Variants in ARB2A observed in about 807,000 individuals in gnomAD.
ARB2A encodes ARB2 cotranscriptional regulator A.
the ARB2A span, among the ~76,000 whole-genome samples, chr5:93,985,640 G>A: frequency 3.9e-5 from 6 of 152,224 alleles, no homozygotes; most frequent in African/African-American, 1.2e-4. Context: ...GGCCGGGCTG[G>A]TCTCCTGCTC....
chr5:94,045,119 A>C, the ARB2A span, among the ~76,000 whole-genome samples: 1 of 230 alleles, frequency 4.3e-3, no homozygotes, highest in Non-Finnish European at 0.028. Flanking sequence ...CTCCATCTCA[A>C]AAAAAAAAAA....
chr5:93,855,537 C>T, the ARB2A span, among the ~76,000 whole-genome samples: 1 of 152,126 alleles, frequency 6.6e-6, no homozygotes, highest in African/African-American at 2.4e-5. Flanking sequence ...TTAGTTGATG[C>T]AGTTTCTTCC....
chr5:94,043,584 T>C, the ARB2A span, among the ~76,000 whole-genome samples: 4 of 152,218 alleles, frequency 2.6e-5, no homozygotes, highest in African/African-American at 7.2e-5. Context: ...ATTTGACTTG[T>C]AGAGCCAATA....
At chr5:94,076,436 T>C in the ARB2A span, among the ~76,000 whole-genome samples, 1 of 152,168 alleles carries the variant, frequency 6.6e-6, no homozygotes, top group South Asian at 2.1e-4. Flanking sequence ...GTATATAAGG[T>C]AGGCAATGTA....
At chr5:93,774,479 C>T in the ARB2A span, among the ~76,000 whole-genome samples, 1 of 152,204 alleles carries the variant, frequency 6.6e-6, no homozygotes, top group Non-Finnish European at 1.5e-5. Flanking sequence ...TACTCATGGG[C>T]AGAATGGTGA....
the ARB2A span, among the ~76,000 whole-genome samples, chr5:93,681,110 CTT>C: frequency 6.8e-4 from 103 of 151,742 alleles, 2 homozygotes; most frequent in South Asian, 3.1e-3. Context: ...GTAATGTTTC[CTT>C]TTTTTTCCAG....
the ARB2A span, among the ~76,000 whole-genome samples, chr5:93,829,267 G>A: frequency 6.6e-6 from 1 of 152,124 alleles, no homozygotes; most frequent in Non-Finnish European, 1.5e-5. Flanking sequence ...CTGTGTTCCA[G>A]TTGTAGGGAG....
At chr5:93,927,330 C>A in the ARB2A span, among the ~76,000 whole-genome samples, 107 of 152,274 alleles carry the variant, frequency 7.0e-4, no homozygotes, top group East Asian at 0.014. Flanking sequence ...CATTTAACCT[C>A]CCTCAGCTAG....
At chr5:93,701,736 T>C in the ARB2A span, among the ~76,000 whole-genome samples, 1 of 152,196 alleles carries the variant, frequency 6.6e-6, no homozygotes, top group East Asian at 1.9e-4. Context: ...TTAATGTTGG[T>C]AAGCAGCAAT....
the ARB2A span, among the ~76,000 whole-genome samples, chr5:93,708,482 T>C: frequency 6.6e-6 from 1 of 152,190 alleles, no homozygotes; most frequent in Non-Finnish European, 1.5e-5. Flanking sequence ...GGTTTCAGGA[T>C]GAAACTGTTC....
the ARB2A span, among the ~76,000 whole-genome samples, chr5:93,699,037 C>A: frequency 6.6e-6 from 1 of 152,156 alleles, no homozygotes; most frequent in Non-Finnish European, 1.5e-5. Context: ...AATATAGAAC[C>A]AAATAATAAA....
At chr5:93,626,197 G>A in the ARB2A span, among the ~76,000 whole-genome samples, 2 of 152,198 alleles carry the variant, frequency 1.3e-5, no homozygotes, top group South Asian at 2.1e-4. Context: ...GAAGACATGG[G>A]TTATTTACCT....
the ARB2A span, among the ~76,000 whole-genome samples, chr5:93,748,611 T>G: frequency 6.6e-6 from 1 of 152,082 alleles, no homozygotes; most frequent in Admixed American, 6.5e-5. Flanking sequence ...GTCCTTGCTT[T>G]GGATGATGAG....
At chr5:93,633,964 T>C in the ARB2A span, among the ~76,000 whole-genome samples, 2 of 152,004 alleles carry the variant, frequency 1.3e-5, no homozygotes, top group Admixed American at 6.5e-5. Context: ...GGTTTCGCCA[T>C]GCTGCCCAGG....
chr5:93,965,164 T>A, the ARB2A span, among the ~76,000 whole-genome samples: 1 of 152,078 alleles, frequency 6.6e-6, no homozygotes, highest in Non-Finnish European at 1.5e-5. Flanking sequence ...GGGTGATGTA[T>A]GTCTTTAAAA....
At chr5:94,021,494 A>T in the ARB2A span, among the ~76,000 whole-genome samples, 4 of 152,332 alleles carry the variant, frequency 2.6e-5, no homozygotes, top group African/African-American at 9.6e-5. Flanking sequence ...GGTAAGAATA[A>T]ATCAGTTCAC....
At chr5:93,844,717 CAGCAGTTA>C in the ARB2A span, among the ~76,000 whole-genome samples, 9 of 152,118 alleles carry the variant, frequency 5.9e-5, no homozygotes, top group Non-Finnish European at 1.2e-4. Context: ...ACACCACATA[CAGCAGTTA>C]ACCAGAAAGG....
At chr5:93,746,557 G>A in the ARB2A span, among the ~76,000 whole-genome samples, 6 of 152,090 alleles carry the variant, frequency 3.9e-5, no homozygotes, top group African/African-American at 1.2e-4. Flanking sequence ...TATTAAAAAT[G>A]GCTGCTTTGT....
chr5:93,985,571 G>A, the ARB2A span, among the ~76,000 whole-genome samples: 4 of 152,150 alleles, frequency 2.6e-5, no homozygotes, highest in Non-Finnish European at 4.4e-5. Context: ...TTGCAGGCGC[G>A]CGCCGCCACG....
Sources: gnomAD v4.1 joint callset for allele counts (sites outside exome capture counted in the v4.1 genomes callset) on GRCh38, gnomAD v4.1.1 for gene constraint, MANE v1.5 for transcripts, NCBI Gene and HGNC (gene_info 2026-07-23, HGNC 2026-07-21) for gene names.